The following DNAH11 variants were observed in gnomAD, a reference collection of about 807,000 sequenced individuals.
The protein encoded by DNAH11 is axonemal beta dynein heavy chain 11.
In DNAH11, 442 loss-of-function variants were observed where a neutral mutation model predicts 526.0. The ratio of observed to expected loss-of-function variants is 0.84; its 90% CI spans 0.78 to 0.91. The LOEUF (loss-of-function observed/expected upper bound fraction) is 0.91. Ranked by LOEUF, DNAH11 falls within the 40% of genes least tolerant of loss-of-function variation. DNAH11 has a pLI of 0.00. For missense variants in DNAH11, 6,989 were observed against 5,448.7 expected, an observed-to-expected ratio of 1.28 and a Z score of -8.90; for synonymous variants, 2,461 against 1,935.9, an observed-to-expected ratio of 1.27 and a Z score of -7.12.
At chr7:21,664,539 G>A (rs1224371252) in intron 30 of DNAH11, among the ~76,000 whole-genome samples, 4 of 151,940 alleles carry the variant, frequency 2.6e-5, no homozygotes, top group South Asian at 2.1e-4. Context: ...GCTCACTGCA[G>A]CCTCAAACTC....
intron 36 of DNAH11, among the ~76,000 whole-genome samples, chr7:21,700,727 A>G (rs2128477787): frequency 6.6e-6 from 1 of 152,352 alleles, no homozygotes; most frequent in East Asian, 1.9e-4. Flanking sequence ...CATCAATGAT[A>G]GACTGGATCA....
intron 61 of DNAH11, among the ~76,000 whole-genome samples, chr7:21,792,513 C>T (rs1788519007): frequency 6.6e-6 from 1 of 152,080 alleles, no homozygotes; most frequent in Non-Finnish European, 1.5e-5. Context: ...AACAGTAAAG[C>T]CATTAGGTCC....
intron 30 of DNAH11, among the ~76,000 whole-genome samples, chr7:21,672,787 C>T (rs73682670): frequency 6.6e-6 from 1 of 152,192 alleles, no homozygotes; most frequent in African/African-American, 2.4e-5. Context: ...ACGGTATGGC[C>T]TCTTTCTACC....
At chr7:21,578,407 A>G (rs1330877393) in intron 8 of DNAH11, among the ~76,000 whole-genome samples, 3 of 152,240 alleles carry the variant, frequency 2.0e-5, no homozygotes, top group Non-Finnish European at 4.4e-5. Context: ...ACACGCTGAT[A>G]TAAGAGGTGG....
intron 30 of DNAH11, among the ~76,000 whole-genome samples, chr7:21,675,335 C>A (rs764905724): frequency 1.1e-4 from 17 of 152,202 alleles, no homozygotes; most frequent in Non-Finnish European, 2.4e-4. Flanking sequence ...CATTCAGGGC[C>A]TTTACACAGG....
chr7:21,560,970 C>A, intron 4 of DNAH11, 101 bp from the exon 5 acceptor site: 1 of 826,788 alleles, frequency 1.2e-6, no homozygotes, highest in Non-Finnish European at 1.9e-6. Flanking sequence ...TACTGTATCA[C>A]TTGTGAGTGA....
chr7:21,723,009 T>G (rs1052367214), intron 44 of DNAH11, among the ~76,000 whole-genome samples: 2 of 152,192 alleles, frequency 1.3e-5, no homozygotes, highest in African/African-American at 4.8e-5. Context: ...TGGATATCAC[T>G]GGCACCTTCC....
intron 36 of DNAH11, among the ~76,000 whole-genome samples, chr7:21,700,848 C>G (rs1365771191): frequency 3.9e-5 from 6 of 151,982 alleles, no homozygotes; most frequent in Non-Finnish European, 7.4e-5. Flanking sequence ...TCTCAGCAAA[C>G]TAATACAGGA....
intron 70 of DNAH11, among the ~76,000 whole-genome samples, 168 bp from the exon 71 acceptor site, chr7:21,866,302 C>T (rs113781624): frequency 7.2e-6 from 1 of 138,774 alleles, no homozygotes; most frequent in Non-Finnish European, 1.5e-5. Flanking sequence ...GTCCTTTGAG[C>T]TTACCCTCTC....
rs1220655969 is a variant in DNAH11, at chr7:21,710,696, A to G, written c.6827A>G (p.Asp2276Gly). The G allele has an allele frequency of 6.2e-7, 1 of 1,611,322 alleles. No individual in the cohort carries two copies. Among genetic ancestry groups the G allele is most frequent in the South Asian group, 1.1e-5 (1 of 90,522 alleles). The change falls in exon 41 of 82, where the codon GAT becomes GGT. Residue 2276 changes from aspartate (D) to glycine (G), a missense_variant. Coordinates refer to ENST00000409508, the MANE Select transcript of DNAH11 (RefSeq NM_001277115.2). ...WIESLNTVMD[D>G]NKVLTLASNE... The stretch of plus-strand genomic sequence containing the variant: ...GAATCACTGAATACTGTAATGGATG[A>G]TAACAAGGTGAATAAAACCTCTGTT...
Position 21,570,286 on chromosome 7 carries a change from T to C in DNAH11, c.1412T>C (p.Leu471Ser). 1 of 1,604,134 alleles carries C rather than the reference T, an allele frequency of 6.2e-7. No homozygotes were observed. The highest frequency in any genetic ancestry group is 8.5e-7 in the Non-Finnish European group (1 of 1,177,044). ...FCRFDKFLDR[L>S]IKIEDIFATT... is the part of the protein sequence containing the mutation. ...AGATTTGACAAGTTTCTTGATCGTT[T>C]AATAAAAATAGAGGTATTCATTTTT... is the stretch of plus-strand genomic sequence containing the variant. The change falls in exon 7 of 82, where the codon TTA becomes TCA. Residue 471 changes from leucine (L) to serine (S), a missense_variant. Coordinates refer to ENST00000409508, the MANE Select transcript of DNAH11 (RefSeq NM_001277115.2).
At chr7:21,835,824 T>G (rs1781973273) in intron 65 of DNAH11, among the ~76,000 whole-genome samples, 1 of 150,256 alleles carries the variant, frequency 6.7e-6, no homozygotes, top group Non-Finnish European at 1.5e-5. Context: ...TGTCCCTGTT[T>G]GCAGATGACA....
rs953847698 is a variant in DNAH11, at chr7:21,599,913, A to G, written c.2794A>G (p.Lys932Glu). ...AIMHDLDFFLKNTEKQLKPAP... is the reference protein window; with the variant it reads ...AIMHDLDFFLENTEKQLKPAP... ...AATGCACGACTTAGACTTCTTTCTG[A>G]AGAATACAGAGAAACAATTGAAACC... is the stretch of plus-strand genomic sequence containing the variant. Residue 932 changes from lysine (K) to glutamate (E), a missense_variant, in exon 15 of 82, where the codon AAG (lysine) becomes GAG (glutamate). Lys to Glu is a moderately conservative substitution (Grantham distance 56). Coordinates refer to ENST00000409508, the MANE Select transcript of DNAH11 (RefSeq NM_001277115.2). The G allele has an allele frequency of 2.5e-6, 4 of 1,613,530 alleles. No individual in the cohort carries two copies. The highest frequency in any genetic ancestry group is 3.4e-6 in the Non-Finnish European group (4 of 1,179,752).
intron 36 of DNAH11, among the ~76,000 whole-genome samples, chr7:21,699,975 A>C (rs1027074454): frequency 6.6e-6 from 1 of 152,188 alleles, no homozygotes; most frequent in African/African-American, 2.4e-5. Context: ...GGAGAATGAA[A>C]AGATTATCAG....
Position 21,807,826 on chromosome 7 carries a change from T to C in DNAH11, c.10166-57T>C, listed in dbSNP as rs552738328. 59 of 1,521,864 alleles carry C rather than the reference T, an allele frequency of 3.9e-5. No individual in the cohort carries two copies. The African/African-American group carries it at 7.1e-4, about 18-fold the overall frequency. 94.3% of individuals were successfully genotyped at this position (1,521,864 alleles called of 1,614,324 possible). ...GCCATAAGGTAATTGCATTAAGCAT[T>C]TGTGGAGTTGACATTCAGCCTGCAA... On this transcript the variant is annotated intron_variant, in intron 62 of 81. Transcript: ENST00000409508.
chr7:21,606,055 G>T (rs1195384332), intron 18 of DNAH11, among the ~76,000 whole-genome samples: 1 of 152,184 alleles, frequency 6.6e-6, no homozygotes, highest in Non-Finnish European at 1.5e-5. Flanking sequence ...TGGACATGGT[G>T]GCTCATGCCT....
At chr7:21,634,787 C>A (rs1326819618) in intron 25 of DNAH11, among the ~76,000 whole-genome samples, 1 of 151,834 alleles carries the variant, frequency 6.6e-6, no homozygotes, top group African/African-American at 2.4e-5. Context: ...ATGTAACAAG[C>A]CTGCATATGT....
chr7:21,622,502 G>T (rs866948326), intron 25 of DNAH11, among the ~76,000 whole-genome samples: 6 of 152,122 alleles, frequency 3.9e-5, no homozygotes, highest in African/African-American at 1.4e-4. Context: ...AAAAGACCCC[G>T]CATTGCCAAG....
intron 65 of DNAH11, among the ~76,000 whole-genome samples, chr7:21,836,527 A>G (rs193147533): frequency 7.8e-4 from 119 of 152,316 alleles, no homozygotes; most frequent in African/African-American, 2.7e-3. Flanking sequence ...GGTGCTGGAA[A>G]AATGATAACC....
Sources: allele counts gnomAD v4.1 joint callset (sites outside exome capture counted in the v4.1 genomes callset), GRCh38; gene constraint gnomAD v4.1.1; transcripts MANE v1.5; gene names NCBI Gene and HGNC (gene_info 2026-07-23, HGNC 2026-07-21).